The following KIRREL3 variants were observed in gnomAD, a reference collection of about 807,000 sequenced individuals.
The protein encoded by KIRREL3 is kin of IRRE-like protein 3.
A neutral mutation model predicts 89.7 loss-of-function variants in KIRREL3; 36 were observed. The observed-to-expected ratio is 0.40, with a 90% CI of 0.31 to 0.53. The LOEUF is 0.53. Among genes scored for constraint, KIRREL3 ranks in the 20% least tolerant of loss-of-function variants. The pLI, the probability that KIRREL3 is intolerant of heterozygous loss-of-function variation, is 0.49. For missense variants in KIRREL3, 864 were observed against 1,056.6 expected (o/e 0.82, Z 2.53); for synonymous variants, 445 against 441.4 (o/e 1.01, Z -0.10).
intron 1 of KIRREL3, among the ~76,000 whole-genome samples, chr11:126,839,519 G>A (rs1592204479): frequency 6.6e-6 from 1 of 152,282 alleles, no homozygotes; most frequent in East Asian, 1.9e-4. Context: ...CCTGATCAGG[G>A]AGGAGAGGAG....
intron 1 of KIRREL3, among the ~76,000 whole-genome samples, chr11:126,774,613 C>T (rs998615309): frequency 1.3e-5 from 2 of 152,132 alleles, no homozygotes; most frequent in East Asian, 1.9e-4. Context: ...CGCTCTGCAC[C>T]CAAACGCTGC....
In KIRREL3 at chr11:126,814,543, A is replaced by C. The variant is rs916334969; in HGVS notation, c.55+185912T>G. On this transcript the variant is annotated intron_variant, in intron 1 of 16. Coordinates refer to ENST00000525144, the MANE Select transcript of KIRREL3 (RefSeq NM_032531.4). This position sits in a 1 kb window ranked among gnomAD's most constrained non-coding sequence, Gnocchi z 4.4. ...TAAATGCCCATCAATGATAGACTGG[A>C]TAAAGAAAATGTGATACATATACAC... 1.3e-5 allele frequency among the ~76,000 whole-genome samples: 2 copies of C among 152,262 alleles called. No individual in the cohort carries two copies. Among genetic ancestry groups the C allele is most frequent in the Non-Finnish European group, 2.9e-5 (2 of 68,054 alleles).
chr11:126,960,224 C>G (rs1441524655), intron 1 of KIRREL3, among the ~76,000 whole-genome samples: 2 of 152,118 alleles, frequency 1.3e-5, no homozygotes, highest in Non-Finnish European at 2.9e-5. Context: ...GCAAATTCTC[C>G]TTGATTAAAT....
chr11:126,448,493 G>T (rs189874486), intron 8 of KIRREL3, among the ~76,000 whole-genome samples: 45 of 152,232 alleles, frequency 3.0e-4, no homozygotes, highest in Admixed American at 7.2e-4. Flanking sequence ...CTGCGTGCTT[G>T]TGTCCCCCGT....
chr11:126,791,050 A>G lies in KIRREL3; in HGVS notation c.55+209405T>C, dbSNP rs569021090. On this transcript the variant is annotated intron_variant, in intron 1 of 16. Transcript: ENST00000525144. The surrounding 1 kb of genome is among the most constrained non-coding windows in gnomAD (Gnocchi z 4.8). ...GCAAATGAGCATGATGTCACTTCTT[A>G]GCTTTGGGAGGAAAAAATGAGTGAT... Among the ~76,000 whole-genome samples, 1 of 152,298 alleles carries G rather than the reference A, an allele frequency of 6.6e-6. No homozygotes were observed. The highest frequency in any genetic ancestry group is 6.5e-5 in the Admixed American group (1 of 15,310).
intron 4 of KIRREL3, among the ~76,000 whole-genome samples, chr11:126,512,259 T>C (rs1427573835): frequency 6.6e-6 from 1 of 152,250 alleles, no homozygotes; most frequent in Non-Finnish European, 1.5e-5. Context: ...CTTGTGTCTT[T>C]CTATCAGGGC....
At position 126,519,421 on chromosome 11, in the gene KIRREL3, C is replaced by G. The variant is rs1042053183; in HGVS notation, c.433+1894G>C. Among the ~76,000 whole-genome samples, 1 of 152,360 alleles carries G rather than the reference C, an allele frequency of 6.6e-6. No individual in the cohort carries two copies. The highest frequency in any genetic ancestry group is 3.4e-3 in the Middle Eastern group (1 of 294). On this transcript the variant is annotated intron_variant, in intron 4 of 16. Transcript: ENST00000525144. This position sits in a 1 kb window ranked among gnomAD's most constrained non-coding sequence, Gnocchi z 4.3. ...CTTTGCCTCTCTGAGTTTCCATTCT[C>G]TCATCTGTAAAACATTCGAAATAAT...
chr11:126,566,764 G>T lies in KIRREL3; in HGVS notation c.56-3852C>A. On this transcript the variant is annotated intron_variant, in intron 1 of 16. Transcript: ENST00000525144. This position sits in a 1 kb window ranked among gnomAD's most constrained non-coding sequence, Gnocchi z 4.9. Reference sequence around the variant, plus strand: ...ATTCTTACTAGTAATGTAGTGATACGGTGGTATTATTTCATATTTGTGGGA... The same window carrying T: ...ATTCTTACTAGTAATGTAGTGATACTGTGGTATTATTTCATATTTGTGGGA... Among the ~76,000 whole-genome samples the T allele has an allele frequency of 6.6e-6, 1 of 152,148 alleles. No individual in the cohort carries two copies. Among genetic ancestry groups the T allele is most frequent in the East Asian group, 1.9e-4 (1 of 5,200 alleles).
chr11:126,553,641 C>T lies in KIRREL3; in HGVS notation c.133+9194G>A, dbSNP rs1416114369. 2.0e-5 allele frequency among the ~76,000 whole-genome samples: 3 copies of T among 152,176 alleles called. No individual in the cohort carries two copies. Among genetic ancestry groups the T allele is most frequent in the African/African-American group, 7.2e-5 (3 of 41,428 alleles). On this transcript the variant is annotated intron_variant, in intron 2 of 16. Coordinates refer to ENST00000525144, the MANE Select transcript of KIRREL3 (RefSeq NM_032531.4). This position sits in a 1 kb window ranked among gnomAD's most constrained non-coding sequence, Gnocchi z 4.7. Reference sequence around the variant, plus strand: ...TGTCGATTCCCGTCACCTTCTGAACCTTGAAGGGAGTTCTTCTGATGGGAA... The same window carrying T: ...TGTCGATTCCCGTCACCTTCTGAACTTTGAAGGGAGTTCTTCTGATGGGAA...
At position 126,513,514 on chromosome 11, in the gene KIRREL3, G is replaced by C. The variant is rs1322039251; in HGVS notation, c.433+7801C>G. 6.6e-6 allele frequency among the ~76,000 whole-genome samples: 1 copy of C among 152,184 alleles called. No homozygotes were observed. The highest frequency in any genetic ancestry group is 1.5e-5 in the Non-Finnish European group (1 of 68,030). ...GCTGAGTTTGCCTCCATCCCTGAGG[G>C]ATCCTCTCTTCCTCCGGGCCTTGGA... On this transcript the variant is annotated intron_variant, in intron 4 of 16. Coordinates refer to ENST00000525144, the MANE Select transcript of KIRREL3 (RefSeq NM_032531.4). The surrounding 1 kb of genome is among the most constrained non-coding windows in gnomAD (Gnocchi z 5.9).
At chr11:126,880,166 A>G (rs983465865) in intron 1 of KIRREL3, among the ~76,000 whole-genome samples, 5 of 152,178 alleles carry the variant, frequency 3.3e-5, no homozygotes, top group Non-Finnish European at 7.3e-5. Context: ...TGCGGCTGTA[A>G]GTGTTTGCTC....
At chr11:126,842,746 G>C (rs114690987) in intron 1 of KIRREL3, among the ~76,000 whole-genome samples, 1 of 152,170 alleles carries the variant, frequency 6.6e-6, no homozygotes, top group Non-Finnish European at 1.5e-5. Flanking sequence ...GCCAGTTAAT[G>C]TTATTGGTAA....
Position 126,703,258 on chromosome 11 carries a change from C to T in KIRREL3, c.56-140346G>A, listed in dbSNP as rs1399553057. ...ATGAGCGGCTGCTGCAGGCTGTGCA[C>T]TGCACAAGGCCAAGGCTTACCATTT... On this transcript the variant is annotated intron_variant, in intron 1 of 16. Transcript: ENST00000525144. The surrounding 1 kb of genome is among the most constrained non-coding windows in gnomAD (Gnocchi z 4.6). 6.6e-6 allele frequency among the ~76,000 whole-genome samples: 1 copy of T among 152,232 alleles called. No individual in the cohort carries two copies.
At chr11:126,502,085 T>TA (rs1957883448) in intron 4 of KIRREL3, among the ~76,000 whole-genome samples, 1 of 152,152 alleles carries the variant, frequency 6.6e-6, no homozygotes, top group African/African-American at 2.4e-5. Context: ...ATAATGAATG[T>TA]AAAAAACTCT....
intron 1 of KIRREL3, among the ~76,000 whole-genome samples, chr11:126,657,262 A>AATC (rs1565625618): frequency 8.0e-4 from 122 of 151,586 alleles, no homozygotes; most frequent in African/African-American, 1.3e-3. Context: ...ATAAATAAAT[A>AATC]AATAAATAAA....
intron 1 of KIRREL3, among the ~76,000 whole-genome samples, chr11:126,599,860 GACTTA>G (rs1431143872): frequency 3.9e-5 from 6 of 152,132 alleles, no homozygotes; most frequent in African/African-American, 9.7e-5. Context: ...AGCATCAGGG[GACTTA>G]ACTTGACAGC....
Position 126,645,688 on chromosome 11 carries a change from G to C in KIRREL3, c.56-82776C>G, listed in dbSNP as rs992768787. ...CCTTTGTTAATTAAAAACACACACA[G>C]CTCTTCAGGGAACATTTCCCTGCCT... is the stretch of plus-strand genomic sequence containing the variant. On this transcript the variant is annotated intron_variant, in intron 1 of 16. Coordinates refer to ENST00000525144, the MANE Select transcript of KIRREL3 (RefSeq NM_032531.4). The surrounding 1 kb of genome is among the most constrained non-coding windows in gnomAD (Gnocchi z 4.9). Among the ~76,000 whole-genome samples, 2 of 152,192 alleles carry C rather than the reference G, an allele frequency of 1.3e-5. No individual in the cohort carries two copies. The highest frequency in any genetic ancestry group is 1.3e-4 in the Admixed American group (2 of 15,282).
chr11:126,450,940 GGCGTGTGTGCATGTGTGA>G (rs1447755042), intron 7 of KIRREL3, among the ~76,000 whole-genome samples: 2 of 123,108 alleles, frequency 1.6e-5, no homozygotes, highest in Admixed American at 8.1e-5. Flanking sequence ...CATGTGTGTG[GGCGTGTGTGCATGTGTGA>G]GCGTGTGCAT....
chr11:126,450,322 TGCATGTGTGAGCGTGG>T (rs892075019), intron 7 of KIRREL3, among the ~76,000 whole-genome samples: 25 of 151,000 alleles, frequency 1.7e-4, no homozygotes, highest in Non-Finnish European at 2.4e-4. Flanking sequence ...TGTGCACGTG[TGCATGTGTGAGCGTGG>T]GCATGTGTGT....
Sources: gnomAD v4.1 joint callset for allele counts (sites outside exome capture counted in the v4.1 genomes callset) on GRCh38, gnomAD v4.1.1 for gene constraint, Gnocchi (gnomAD v3.1) non-coding constraint, MANE v1.5 for transcripts, NCBI Gene and HGNC (gene_info 2026-07-23, HGNC 2026-07-21) for gene names.